PKHD1: variants seen among roughly 807,000 people sequenced by gnomAD.
PKHD1 encodes PKHD1 ciliary IPT domain containing fibrocystin/polyductin.
A neutral mutation model predicts 412.0 loss-of-function variants in PKHD1; 291 were observed. The observed-to-expected ratio is 0.71, with a 90% CI of 0.64 to 0.78. The LOEUF (loss-of-function observed/expected upper bound fraction) is 0.78, where lower values mean the gene tolerates loss of function less well. Among genes scored for constraint, PKHD1 ranks in the 30% least tolerant of loss-of-function variants. The probability of loss-of-function intolerance (pLI) is 0.00; values close to 1 mark genes in which losing one functional copy is unlikely to be tolerated. For synonymous variants in PKHD1, 1,777 were observed against 1,821.5 expected (o/e 0.98, Z 0.62); for missense variants, 4,825 against 4,950.7 (o/e 0.97, Z 0.76).
intron 60 of PKHD1, among the ~76,000 whole-genome samples, chr6:51,738,767 A>G (rs1784180144): frequency 6.6e-6 from 1 of 152,122 alleles, no homozygotes; most frequent in South Asian, 2.1e-4. Context: ...CCTCTCACAC[A>G]TGCTGAGGCC....
chr6:51,846,765 C>T (rs9370065), intron 50 of PKHD1, among the ~76,000 whole-genome samples: 47,739 of 151,820 alleles, frequency 0.31, 8,906 homozygotes, highest in East Asian at 0.73. Context: ...ACAGACACAG[C>T]CCACCCCTAG....
chr6:51,956,193 C>T (rs775523578), intron 36 of PKHD1, among the ~76,000 whole-genome samples: 1 of 151,918 alleles, frequency 6.6e-6, no homozygotes, highest in Non-Finnish European at 1.5e-5. Flanking sequence ...ATATTCCTAA[C>T]AATTCATCAT....
At chr6:52,017,183 T>A (rs527404818) in intron 34 of PKHD1, among the ~76,000 whole-genome samples, 8 of 152,368 alleles carry the variant, frequency 5.3e-5, no homozygotes, top group African/African-American at 1.7e-4. Context: ...AGCGAGCTGT[T>A]TACTGGGCAG....
intron 43 of PKHD1, among the ~76,000 whole-genome samples, chr6:51,898,765 T>C (rs1780618017): frequency 8.4e-6 from 1 of 119,276 alleles, no homozygotes; most frequent in Admixed American, 9.7e-5. Flanking sequence ...GATAGACTGC[T>C]AGCAAGACTA....
At chr6:52,066,536 C>A (rs1809731189) in intron 11 of PKHD1, among the ~76,000 whole-genome samples, 1 of 152,164 alleles carries the variant, frequency 6.6e-6, no homozygotes, top group Non-Finnish European at 1.5e-5. Flanking sequence ...CACTCTTTCC[C>A]ACACTGAATG....
At chr6:51,964,782 T>G (rs1792564149) in intron 35 of PKHD1, among the ~76,000 whole-genome samples, 1 of 152,156 alleles carries the variant, frequency 6.6e-6, no homozygotes, top group South Asian at 2.1e-4. Flanking sequence ...CGAAACCAAC[T>G]TTATTTACCT....
intron 60 of PKHD1, among the ~76,000 whole-genome samples, chr6:51,734,399 C>T (rs890920578): frequency 2.6e-5 from 4 of 152,074 alleles, no homozygotes; most frequent in Admixed American, 2.6e-4. Context: ...AGTTGACTGG[C>T]AAACTAAACT....
intron 55 of PKHD1, among the ~76,000 whole-genome samples, chr6:51,772,096 T>A (rs1162636455): frequency 6.6e-6 from 1 of 152,122 alleles, no homozygotes; most frequent in Non-Finnish European, 1.5e-5. Context: ...TTATTCTGAG[T>A]TCTTACTAAA....
chr6:51,671,801 C>G (rs1461366676), intron 60 of PKHD1, among the ~76,000 whole-genome samples: 1 of 151,986 alleles, frequency 6.6e-6, no homozygotes, highest in Non-Finnish European at 1.5e-5. Flanking sequence ...GTTGGGGTAC[C>G]CGCCCGTGTG....
intron 37 of PKHD1, among the ~76,000 whole-genome samples, chr6:51,931,455 T>C (rs910048594): frequency 5.3e-5 from 8 of 152,300 alleles, no homozygotes; most frequent in African/African-American, 1.9e-4. Flanking sequence ...AGTGAAATTA[T>C]GAAATGACTT....
At chr6:51,851,682 T>C (rs1248929856) in intron 49 of PKHD1, among the ~76,000 whole-genome samples, 1 of 152,248 alleles carries the variant, frequency 6.6e-6, no homozygotes, top group Non-Finnish European at 1.5e-5. Flanking sequence ...CTAGATTTTC[T>C]AGTTTATTTG....
At chr6:51,873,108 T>C (rs1343774723) in intron 46 of PKHD1, among the ~76,000 whole-genome samples, 2 of 152,158 alleles carry the variant, frequency 1.3e-5, no homozygotes, top group Admixed American at 1.3e-4. Flanking sequence ...TTGCTTGGCA[T>C]TATCCACTAA....
At chr6:51,940,742 T>G (rs1399654656) in intron 36 of PKHD1, among the ~76,000 whole-genome samples, 1 of 151,554 alleles carries the variant, frequency 6.6e-6, no homozygotes, top group Non-Finnish European at 1.5e-5. Flanking sequence ...GTCCGTCCCC[T>G]TCTTAGTCAA....
At chr6:52,059,860 G>T in intron 15 of PKHD1, 68 bp downstream of exon 15, 1 of 820,014 alleles carries the variant, frequency 1.2e-6, no homozygotes. Flanking sequence ...CCTTAACTTT[G>T]ATTCTTTCTT....
At chr6:52,014,500 CATGGATGG>C (rs559212704) in intron 34 of PKHD1, among the ~76,000 whole-genome samples, 1 of 151,572 alleles carries the variant, frequency 6.6e-6, no homozygotes, top group Admixed American at 6.6e-5. Flanking sequence ...ATGGATGGAT[CATGGATGG>C]ATGGATGGAT....
chr6:51,739,189 C>CAT (rs952825797), intron 60 of PKHD1, among the ~76,000 whole-genome samples: 3 of 148,800 alleles, frequency 2.0e-5, no homozygotes, highest in Non-Finnish European at 4.4e-5. Context: ...TACACATACA[C>CAT]ATATATATGT....
At chr6:52,073,346 G>A in intron 7 of PKHD1, 117 bp downstream of exon 7, 3 of 796,640 alleles carry the variant, frequency 3.8e-6, no homozygotes, top group Non-Finnish European at 6.9e-6. Context: ...ACTGCAAAAA[G>A]GAAAATAGCA....
chr6:51,934,533 C>T (rs1177075219), intron 36 of PKHD1, among the ~76,000 whole-genome samples: 1 of 152,148 alleles, frequency 6.6e-6, no homozygotes, highest in East Asian at 1.9e-4. Context: ...TTAGCTATTA[C>T]TATTCTCTGC....
chr6:51,650,550 A>T (rs2150372674), intron 61 of PKHD1, among the ~76,000 whole-genome samples: 1 of 152,270 alleles, frequency 6.6e-6, no homozygotes, highest in African/African-American at 2.4e-5. Flanking sequence ...TGAGGAGGAA[A>T]GGATAAAGTA....
Sources: gnomAD v4.1 joint callset for allele counts (sites outside exome capture counted in the v4.1 genomes callset) on GRCh38, gnomAD v4.1.1 for gene constraint, MANE v1.5 for transcripts, NCBI Gene and HGNC (gene_info 2026-07-23, HGNC 2026-07-21) for gene names.